Variants in MEI1 observed in about 807,000 individuals in gnomAD.
MEI1 encodes meiotic double-stranded break formation protein 1.
Under a neutral mutation model 146.2 loss-of-function variants are expected in MEI1, and 103 were observed. The observed-to-expected ratio is 0.70, with a 90% CI of 0.60 to 0.83. The LOEUF is 0.83. Among genes scored for constraint, MEI1 ranks in the 40% least tolerant of loss-of-function variants. MEI1 has a pLI of 0.00. For missense variants in MEI1, 1,529 were observed against 1,533.0 expected, an observed-to-expected ratio of 1.00 and a Z score of 0.04; for synonymous variants, 652 against 628.2, an observed-to-expected ratio of 1.04 and a Z score of -0.57.
chr22:41,733,114 T>A (rs2072014406), intron 11 of MEI1, among the ~76,000 whole-genome samples: 1 of 152,056 alleles, frequency 6.6e-6, no homozygotes, highest in Non-Finnish European at 1.5e-5. Flanking sequence ...TGTGTCTGTA[T>A]TGAACACGTA....
In MEI1 at chr22:41,778,795, T is replaced by C. The variant is rs745870688; in HGVS notation, c.2798T>C (p.Met933Thr). 2.2e-5 allele frequency: 35 copies of C among 1,604,530 alleles called. No homozygotes were observed. Among genetic ancestry groups the C allele is most frequent in the Non-Finnish European group, 2.8e-5 (33 of 1,175,702 alleles). The part of the protein sequence containing the change: ...VSEQELDSVA[M>T]KLLHQVSKLC... ...GAGCAAGAACTGGACAGCGTGGCCA[T>C]GAAGCTCCTTCACCAAGGTGCCCTG... Residue 933 changes from methionine to threonine, a missense_variant, in exon 22 of 31, where the codon ATG (methionine) becomes ACG (threonine). Met to Thr is a moderately conservative substitution (Grantham distance 81, BLOSUM62 -1). Around this residue, in one of 3 missense-constraint regions of MEI1, gnomAD observed 1,212 missense variants for 1,178.9 expected, o/e 1.03. Transcript: ENST00000401548.
rs746360546 is a variant in MEI1 at position 41,745,048 on chromosome 22, T to C, written c.1522T>C (p.Phe508Leu). 1.1e-5 allele frequency: 17 copies of C among 1,554,610 alleles called. No individual in the cohort carries two copies. The Admixed American group carries it at 3.1e-4, about 28-fold the overall frequency. Residue 508 changes from phenylalanine (F) to leucine (L), a missense_variant, in exon 13 of 31, where the codon TTT becomes CTT. Transcript: ENST00000401548. ...GKFLLSTLEG[F>L]RSACRLAIEF... ...GTTCCTCCTCAGCACTCTGGAGGGA[T>C]TTAGAAGTGCCTGCAGGTGAGGGGC...
At chr22:41,784,049 G>C (rs2075860376) in intron 24 of MEI1, among the ~76,000 whole-genome samples, 1 of 152,188 alleles carries the variant, frequency 6.6e-6, no homozygotes, top group Admixed American at 6.5e-5. Context: ...ATAGTGAACA[G>C]AGCCAGAGAC....
At chr22:41,709,107 G>A (rs2147264172) in intron 3 of MEI1, 1 of 626,408 alleles carries the variant, frequency 1.6e-6, no homozygotes, top group Non-Finnish European at 2.9e-6. Context: ...AGTGTTCTGT[G>A]TGCTAACAAC....
chr22:41,727,379 C>G (rs1222274386), intron 7 of MEI1, among the ~76,000 whole-genome samples: 1 of 152,146 alleles, frequency 6.6e-6, no homozygotes, highest in Non-Finnish European at 1.5e-5. Context: ...AGAGGCATCC[C>G]TAATAGCTAT....
intron 5 of MEI1, among the ~76,000 whole-genome samples, chr22:41,717,413 T>A (rs1013416661): frequency 6.6e-6 from 1 of 152,096 alleles, no homozygotes; most frequent in South Asian, 2.1e-4. Flanking sequence ...TCTGCCCACC[T>A]CGGCCTCCCA....
chr22:41,713,897 G>A, intron 3 of MEI1, 105 bp from the exon 4 acceptor site: 1 of 894,440 alleles, frequency 1.1e-6, no homozygotes, highest in Admixed American at 2.3e-5. Flanking sequence ...ATACCAATTA[G>A]CCCAGGCAAA....
At chr22:41,717,618 C>CTTTTTTTTTTTT (rs386395487) in intron 5 of MEI1, among the ~76,000 whole-genome samples, 1 of 138,294 alleles carries the variant, frequency 7.2e-6, no homozygotes, top group Non-Finnish European at 1.6e-5. Flanking sequence ...TTTTTCTTTT[C>CTTTTTTTTTTTT]TTTTTTTTTT....
chr22:41,748,949 C>T (rs1172551235), intron 15 of MEI1, among the ~76,000 whole-genome samples: 2 of 152,042 alleles, frequency 1.3e-5, no homozygotes, highest in Non-Finnish European at 2.9e-5. Flanking sequence ...ACTACAGGCG[C>T]CCGCCACCAC....
rs551800408 is a variant in MEI1 at position 41,730,426 on chromosome 22, G to A, written c.980-95G>A. 18 of 777,392 alleles carry A rather than the reference G, an allele frequency of 2.3e-5. No homozygotes were observed. The South Asian group carries it at 2.5e-4, about 11-fold the overall frequency. The allele number at this position is 777,392 out of a possible 1,614,324, so 48.2% of individuals were successfully genotyped here. A position where few individuals can be genotyped will look rare whatever the true frequency, so the allele number is the denominator to read the frequency against. ...TATGTGAACAGATGAAGTAGCAAGA[G>A]TAAGGTGCTGAATAAATCCAAGGCC... On this transcript the variant is annotated intron_variant, in intron 8 of 30. Transcript: ENST00000401548.
At chr22:41,760,040 T>G (rs1302193303) in intron 18 of MEI1, among the ~76,000 whole-genome samples, 1 of 151,934 alleles carries the variant, frequency 6.6e-6, no homozygotes, top group African/African-American at 2.4e-5. Flanking sequence ...CCGGGTGCAG[T>G]GGCTCACTCC....
chr22:41,742,344 T>C (rs2072951552), intron 11 of MEI1, among the ~76,000 whole-genome samples: 1 of 152,206 alleles, frequency 6.6e-6, no homozygotes, highest in Non-Finnish European at 1.5e-5. Context: ...GAAGAGCTTA[T>C]TACTTATTGG....
chr22:41,786,373 C>T (rs1241478191), intron 26 of MEI1, among the ~76,000 whole-genome samples: 3 of 152,130 alleles, frequency 2.0e-5, no homozygotes, highest in Admixed American at 6.5e-5. Flanking sequence ...GCTACAGTGA[C>T]AGAAACAAAA....
chr22:41,798,143 A>G (rs2076430592), intron 30 of MEI1, among the ~76,000 whole-genome samples: 1 of 150,524 alleles, frequency 6.6e-6, no homozygotes, highest in Admixed American at 6.6e-5. Flanking sequence ...ACACACACAC[A>G]CACACACACA....
chr22:41,754,650 T>C (rs903751828), intron 17 of MEI1, among the ~76,000 whole-genome samples: 1 of 152,026 alleles, frequency 6.6e-6, no homozygotes, highest in African/African-American at 2.4e-5. Context: ...GCCATGCTGG[T>C]TTCAAACTCC....
chr22:41,736,538 C>G (rs2072387128), intron 11 of MEI1, among the ~76,000 whole-genome samples: 1 of 152,076 alleles, frequency 6.6e-6, no homozygotes, highest in Non-Finnish European at 1.5e-5. Context: ...CAGGCGTGAG[C>G]TACCGCGCCT....
chr22:41,749,785 A>G (rs1295933098), intron 15 of MEI1, among the ~76,000 whole-genome samples: 2 of 152,064 alleles, frequency 1.3e-5, no homozygotes, highest in South Asian at 2.1e-4. Context: ...AGCTGGATGT[A>G]GGGCTTGAAA....
rs774377672 is a variant in MEI1 at position 41,784,681 on chromosome 22, A to C, written c.3243A>C (p.Ser1081=). The C allele has an allele frequency of 1.9e-6, 3 of 1,613,316 alleles. No individual in the cohort carries two copies. The South Asian group carries it at 3.3e-5, about 18-fold the overall frequency. Residue 1081 remains serine (S), a synonymous_variant, in exon 26 of 31, where the codon TCA becomes TCC. Transcript: ENST00000401548. ...CTGCCCTGGTAGCCCTGGTGCCCTC[A>C]GGGGCCCAGCCACTGCCAGCCACCA... is the stretch of plus-strand genomic sequence containing the variant. ...FSSALVALVP[S]GAQPLPATKD...
chr22:41,759,995 G>C (rs1245617778), intron 18 of MEI1, among the ~76,000 whole-genome samples: 1 of 152,012 alleles, frequency 6.6e-6, no homozygotes, highest in African/African-American at 2.4e-5. Flanking sequence ...CCAACAAGGT[G>C]AAACCCCATC....
Sources: allele counts gnomAD v4.1 joint callset (sites outside exome capture counted in the v4.1 genomes callset), GRCh38; gene constraint gnomAD v4.1.1; regional missense constraint gnomAD v4.1.1; transcripts MANE v1.5; gene names NCBI Gene and HGNC (gene_info 2026-07-23, HGNC 2026-07-21).